Variants in GALNT9 observed in about 807,000 individuals in gnomAD.
GALNT9 encodes GalNAc transferase 9.
In GALNT9, 47 loss-of-function variants were observed where a neutral mutation model predicts 63.1. That is an observed-to-expected ratio of 0.75 (90% CI 0.59 to 0.95). GALNT9 has a LOEUF of 0.95. Ranked by LOEUF, GALNT9 falls within the 40% of genes least tolerant of loss-of-function variation. The pLI, the probability that GALNT9 is intolerant of heterozygous loss-of-function variation, is 0.00. For missense variants in GALNT9, 829 were observed against 874.8 expected (o/e 0.95, Z 0.66); for synonymous variants, 396 against 365.7 (o/e 1.08, Z -0.94).
At chr12:132,313,077 TCACCCACCCATC>T (rs1881869853) in intron 1 of GALNT9, among the ~76,000 whole-genome samples, 1 of 134,684 alleles carries the variant, frequency 7.4e-6, no homozygotes, top group Admixed American at 7.3e-5. Context: ...ATCCACCCAC[TCACCCACCCATC>T]CACCCACTCA....
At chr12:132,314,652 G>T (rs1868417118) in intron 1 of GALNT9, among the ~76,000 whole-genome samples, 1 of 152,236 alleles carries the variant, frequency 6.6e-6, no homozygotes, top group African/African-American at 2.4e-5. Context: ...AGCAGAGAGT[G>T]CAGGCTGCTG....
intron 1 of GALNT9, among the ~76,000 whole-genome samples, chr12:132,314,811 G>A (rs1868423891): frequency 6.6e-6 from 1 of 152,194 alleles, no homozygotes; most frequent in African/African-American, 2.4e-5. Flanking sequence ...AATTTCCCGT[G>A]GAATCCTGGC....
intron 6 of GALNT9, among the ~76,000 whole-genome samples, chr12:132,208,436 C>T (rs4077839): frequency 0.043 from 6,518 of 152,290 alleles, 443 homozygotes; most frequent in African/African-American, 0.15. Context: ...GAGAGGGGGA[C>T]GCTATCACCC....
rs2136898454 is a variant in GALNT9, at chr12:132,240,516, T to G, written c.1077+7394A>C. On this transcript the variant is annotated intron_variant, in intron 6 of 10. Coordinates refer to ENST00000328957, the MANE Select transcript of GALNT9 (RefSeq NM_001122636.2). ...CCCGGGCGGCACTCACTCCAGTCGC[T>G]GGCAGTGCTGCTGTGGGCCTGGCGT... is the stretch of plus-strand genomic sequence containing the variant. The G allele has an allele frequency of 3.0e-3, 1,272 of 429,676 alleles. 8 individuals carry two copies. The highest frequency in any genetic ancestry group is 7.4e-3 in the Middle Eastern group (12 of 1,616). The allele number at this position is 429,676 out of a possible 1,614,324, so 26.6% of individuals were successfully genotyped here.
Position 132,199,436 on chromosome 12 carries a change from A to C in GALNT9, c.1402-167T>G, listed in dbSNP as rs117088111. ...TGGGCTGCCTGGGAAGGGGTGGCTG[A>C]CCGAGTTTGTCACTGATGGAGACAT... On this transcript the variant is annotated intron_variant, in intron 8 of 10. Transcript: ENST00000328957. Among the ~76,000 whole-genome samples, 34 of 152,114 alleles carry C rather than the reference A, an allele frequency of 2.2e-4. No individual in the cohort carries two copies. The East Asian group carries it at 6.6e-3, about 30-fold the overall frequency.
chr12:132,202,496 G>A (rs1010311283), intron 7 of GALNT9, among the ~76,000 whole-genome samples: 2 of 152,294 alleles, frequency 1.3e-5, no homozygotes, highest in African/African-American at 4.8e-5. Flanking sequence ...CTCTAGCAGG[G>A]GGTGGTAAGC....
intron 6 of GALNT9, among the ~76,000 whole-genome samples, chr12:132,209,619 TGTG>T (rs1876870218): frequency 6.6e-6 from 1 of 152,074 alleles, no homozygotes. Flanking sequence ...ACGAGTGACT[TGTG>T]GTCATCCTCA....
At position 132,261,140 on chromosome 12, in the gene GALNT9, T is replaced by G. The variant is rs1555239756; in HGVS notation, c.587-18A>C. 6.5e-7 allele frequency: 1 copy of G among 1,547,788 alleles called. No homozygotes were observed. The highest frequency in any genetic ancestry group is 1.4e-5 in the African/African-American group (1 of 72,810). On this transcript the variant is annotated intron_variant, in intron 3 of 10. Transcript: ENST00000328957. ...GAGTTCCACTGAGGAGAGACAAGAC[T>G]TTAGCACGCTGGCAGGTGCTGGCAG...
At chr12:132,202,409 G>A (rs1401951038) in intron 7 of GALNT9, among the ~76,000 whole-genome samples, 1 of 152,216 alleles carries the variant, frequency 6.6e-6, no homozygotes, top group African/African-American at 2.4e-5. Flanking sequence ...GCTGATATGG[G>A]GGCTGGATGC....
At chr12:132,292,984 C>A (rs1252450854) in intron 1 of GALNT9, among the ~76,000 whole-genome samples, 9 of 152,172 alleles carry the variant, frequency 5.9e-5, no homozygotes, top group African/African-American at 2.2e-4. Flanking sequence ...AACGCACATC[C>A]CTAGGAATTC....
intron 5 of GALNT9, among the ~76,000 whole-genome samples, chr12:132,253,710 TC>T (rs1879009882): frequency 6.6e-6 from 1 of 152,236 alleles, no homozygotes; most frequent in Non-Finnish European, 1.5e-5. Context: ...ACCTAGGTAA[TC>T]CTTTGCCCAC....
chr12:132,202,964 C>G (rs1236382658), intron 7 of GALNT9, among the ~76,000 whole-genome samples: 3 of 152,202 alleles, frequency 2.0e-5, no homozygotes, highest in Admixed American at 6.5e-5. Flanking sequence ...AAACGTCCAT[C>G]CACGGACGAG....
rs1879562269 is a variant in GALNT9, at chr12:132,265,514, G to A, written c.420-2889C>T. On this transcript the variant is annotated intron_variant, in intron 2 of 10. Coordinates refer to ENST00000328957, the MANE Select transcript of GALNT9 (RefSeq NM_001122636.2). The surrounding 1 kb of genome is among the most constrained non-coding windows in gnomAD (Gnocchi z 5.3). ...GTTAGGGATCCTGAGATGAGCTTGA[G>A]GCAGGATCGGTAGGATGAGGAGGCC... is the stretch of plus-strand genomic sequence containing the variant. Among the ~76,000 whole-genome samples the A allele has an allele frequency of 6.6e-6, 1 of 152,178 alleles. No individual in the cohort carries two copies.
Position 132,311,384 on chromosome 12 carries a change from G to A in GALNT9, c.238+17582C>T, listed in dbSNP as rs537825481. Among the ~76,000 whole-genome samples, 89 of 152,316 alleles carry A rather than the reference G, an allele frequency of 5.8e-4. No individual in the cohort carries two copies. The East Asian group carries it at 6.6e-3, about 11-fold the overall frequency. ...GCAACCATCAAGGCCTGAACTCGGCGTTAGAGGAGCAGCACGGGCAGGGGC... is the reference window on the plus strand; with the variant it reads ...GCAACCATCAAGGCCTGAACTCGGCATTAGAGGAGCAGCACGGGCAGGGGC... On this transcript the variant is annotated intron_variant, in intron 1 of 10. Transcript: ENST00000328957.
At chr12:132,206,523 T>C (rs1211913827) in intron 6 of GALNT9, among the ~76,000 whole-genome samples, 1 of 152,052 alleles carries the variant, frequency 6.6e-6, no homozygotes, top group African/African-American at 2.4e-5. Flanking sequence ...GGCAGATGCC[T>C]GTAGTCCCAG....
chr12:132,291,273 A>G (rs1316792974), intron 1 of GALNT9, among the ~76,000 whole-genome samples: 2 of 47,916 alleles, frequency 4.2e-5, no homozygotes, highest in Admixed American at 1.9e-4. Flanking sequence ...CAACCACAGC[A>G]CCCACGTCCA....
At chr12:132,289,484 GGTGA>G (rs1296608714) in intron 1 of GALNT9, among the ~76,000 whole-genome samples, 1 of 152,214 alleles carries the variant, frequency 6.6e-6, no homozygotes, top group African/African-American at 2.4e-5. Context: ...CCCTGGAACC[GGTGA>G]GTGTCACGTT....
intron 6 of GALNT9, among the ~76,000 whole-genome samples, chr12:132,219,878 T>C (rs11247019): frequency 0.037 from 647 of 17,596 alleles, 20 homozygotes; most frequent in African/African-American, 0.068. Context: ...GGGGAAGGGG[T>C]ACCTCCCCAG....
intron 1 of GALNT9, among the ~76,000 whole-genome samples, chr12:132,297,500 C>T (rs1881118719): frequency 6.6e-6 from 1 of 151,644 alleles, no homozygotes; most frequent in African/African-American, 2.4e-5. Context: ...GACTGAGTCT[C>T]TCCCAAGATG....
Sources: allele counts gnomAD v4.1 joint callset (sites outside exome capture counted in the v4.1 genomes callset), GRCh38; gene constraint gnomAD v4.1.1; non-coding constraint Gnocchi (gnomAD v3.1); transcripts MANE v1.5; gene names NCBI Gene and HGNC (gene_info 2026-07-23, HGNC 2026-07-21).